PIEZO1: variants seen among roughly 807,000 people sequenced by gnomAD.
PIEZO1 encodes piezo type mechanosensitive ion channel component 1 (Er blood group), also known as piezo-type mechanosensitive ion channel component 1.
In PIEZO1, 296 loss-of-function variants were observed where a neutral mutation model predicts 297.2. That is an observed-to-expected ratio of 1.00 (90% CI 0.91 to 1.10). The LOEUF is 1.10. PIEZO1 is among the 50% of genes least tolerant of loss of function. The pLI, the probability that PIEZO1 is intolerant of heterozygous loss-of-function variation, is 0.00. For missense variants in PIEZO1, 5,018 were observed against 3,455.5 expected (o/e 1.45, Z -11.34); for synonymous variants, 2,427 against 1,507.5 (o/e 1.61, Z -14.13).
intron 1 of PIEZO1, among the ~76,000 whole-genome samples, chr16:88,764,235 G>C (rs780996646): frequency 6.6e-6 from 1 of 152,128 alleles, no homozygotes; most frequent in Non-Finnish European, 1.5e-5. Flanking sequence ...GGCCACAGGA[G>C]ATGGGGTCCT....
Position 88,717,188 on chromosome 16 carries a change from C to A in PIEZO1, c.6495G>T (p.Gln2165His), listed in dbSNP as rs1351614864. The A allele has an allele frequency of 6.5e-7, 1 of 1,550,124 alleles. No individual in the cohort carries two copies. Among genetic ancestry groups the A allele is most frequent in the Admixed American group, 2.0e-5 (1 of 51,012 alleles). Residue 2165 changes from glutamine (Q) to histidine (H), a missense_variant, in exon 45 of 51, where the codon CAG (glutamine) becomes CAT (histidine). By Grantham distance (24) the Gln-to-His change is conservative (BLOSUM62 0). Transcript: ENST00000301015. ...CGTACTTGACGATCTTCTTCTTCTT[C>A]TGCCCTTTGGGCTGCGGGTATTTCT... ...TEKKYPQPKG[Q>H]KKKKIVKYGM...
At chr16:88,782,899 C>G (rs1422236206) in intron 1 of PIEZO1, among the ~76,000 whole-genome samples, 1 of 152,222 alleles carries the variant, frequency 6.6e-6, no homozygotes, top group Non-Finnish European at 1.5e-5. Context: ...CCCCAGGTGA[C>G]TGAGAGAAAA....
At chr16:88,772,986 G>C (rs775278038) in intron 1 of PIEZO1, among the ~76,000 whole-genome samples, 1 of 152,176 alleles carries the variant, frequency 6.6e-6, no homozygotes, top group Admixed American at 6.5e-5. Context: ...CTGGCCCCAG[G>C]GGTGCCTGGA....
rs753243797 is a variant in PIEZO1 at position 88,727,118 on chromosome 16, G to A, written c.3376C>T (p.Arg1126Cys). Reference sequence around the variant, plus strand: ...CGGTCGGTGTTGACGCCAGCCATGCGCTGCCACTCCTCTGTGCGCTCAGCT... The same window carrying A: ...CGGTCGGTGTTGACGCCAGCCATGCACTGCCACTCCTCTGTGCGCTCAGCT... ...FSAERTEEWQ[R>C]MAGVNTDRLE... Residue 1126 changes from arginine to cysteine, a missense_variant, in exon 24 of 51, where the codon CGC becomes TGC. Arg to Cys is a radical substitution (Grantham distance 180). Coordinates refer to ENST00000301015, the MANE Select transcript of PIEZO1 (RefSeq NM_001142864.4). 78 of 1,549,866 alleles carry A rather than the reference G, an allele frequency of 5.0e-5. No individual in the cohort carries two copies. The highest frequency in any genetic ancestry group is 2.5e-4 in the South Asian group (21 of 84,056).
At chr16:88,733,197 G>C (rs1904985025) in intron 19 of PIEZO1, 81 bp downstream of exon 19, 1 of 1,318,880 alleles carries the variant, frequency 7.6e-7, no homozygotes, top group African/African-American at 1.5e-5. Flanking sequence ...ACTGCACTGA[G>C]GCAGCTGCCC....
chr16:88,731,804 G>T lies in PIEZO1; in HGVS notation c.3098C>A (p.Ala1033Asp). The T allele has an allele frequency of 6.5e-7, 1 of 1,547,032 alleles. No individual in the cohort carries two copies. The highest frequency in any genetic ancestry group is 8.7e-7 in the Non-Finnish European group (1 of 1,145,818). ...GTAGTTGGGCCAGAGGCGGGCAATGGCCTGGCGGTGCCTGCGGGTGAGGAT... is the reference window on the plus strand; with the variant it reads ...GTAGTTGGGCCAGAGGCGGGCAATGTCCTGGCGGTGCCTGCGGGTGAGGAT... ...VAILTRRHRQ[A>D]IARLWPNYCL... Residue 1033 changes from alanine to aspartate, a missense_variant, in exon 22 of 51, where the codon GCC becomes GAC. Ala to Asp is a moderately radical substitution (Grantham distance 126). Coordinates refer to ENST00000301015, the MANE Select transcript of PIEZO1 (RefSeq NM_001142864.4).
intron 44 of PIEZO1, 165 bp downstream of exon 44, chr16:88,719,409 C>G (rs1247574969): frequency 6.3e-6 from 4 of 638,582 alleles, no homozygotes; most frequent in Non-Finnish European, 1.1e-5. Flanking sequence ...GCCAAGATCA[C>G]TGGCCTCGTG....
intron 1 of PIEZO1, among the ~76,000 whole-genome samples, chr16:88,770,290 C>T (rs1721626616): frequency 6.6e-6 from 1 of 152,190 alleles, no homozygotes; most frequent in Non-Finnish European, 1.5e-5. Context: ...TGCCTGTGCA[C>T]AGCCCGCTCC....
chr16:88,767,093 T>C (rs1053663171), intron 1 of PIEZO1, among the ~76,000 whole-genome samples: 2 of 152,228 alleles, frequency 1.3e-5, no homozygotes, highest in Admixed American at 1.3e-4. Flanking sequence ...CTCCGATCGA[T>C]TGGCTTCCCT....
At chr16:88,723,750 A>G (rs1904302377) in intron 31 of PIEZO1, 121 bp downstream of exon 31, 1 of 634,232 alleles carries the variant, frequency 1.6e-6, no homozygotes, top group East Asian at 2.7e-5. Flanking sequence ...GGGTGGGCTA[A>G]CTGGAGGTGG....
chr16:88,744,005 A>G, intron 2 of PIEZO1: 1 of 211,572 alleles, frequency 4.7e-6, no homozygotes, highest in Non-Finnish European at 9.8e-6. Flanking sequence ...AGGACCTTCC[A>G]GGGCCTCCCT....
intron 6 of PIEZO1, 29 bp downstream of exon 6, chr16:88,738,539 C>T (rs752580748): frequency 6.5e-7 from 1 of 1,530,954 alleles, no homozygotes; most frequent in South Asian, 1.2e-5. Context: ...CCCAGTGTGA[C>T]TGCCAGTGCC....
chr16:88,738,683 T>C lies in PIEZO1; in HGVS notation c.519A>G (p.Ala173=). The part of the protein sequence containing the change: ...DASPTAGLQE[A]ATLAPTRRSR... The stretch of plus-strand genomic sequence containing the variant: ...ACCTCCGTGTAGGGGCCAGCGTTGC[T>C]GCTTCCTGCAGCCCTGCCGTCGGGC... Residue 173 remains alanine, a synonymous_variant, in exon 6 of 51, where the codon GCA becomes GCG. Transcript: ENST00000301015. The C allele has an allele frequency of 6.5e-7, 1 of 1,534,964 alleles. No individual in the cohort carries two copies. The highest frequency in any genetic ancestry group is 8.7e-7 in the Non-Finnish European group (1 of 1,146,160).
At chr16:88,779,329 GC>G (rs1483317058) in intron 1 of PIEZO1, among the ~76,000 whole-genome samples, 3 of 152,198 alleles carry the variant, frequency 2.0e-5, no homozygotes, top group Non-Finnish European at 2.9e-5. Flanking sequence ...GTGAGCCACC[GC>G]GCCCGGCAAG....
chr16:88,754,101 G>A (rs879420338), intron 1 of PIEZO1, among the ~76,000 whole-genome samples: 1 of 152,132 alleles, frequency 6.6e-6, no homozygotes, highest in East Asian at 1.9e-4. Context: ...CAACCCCCTC[G>A]CCTCACCAGC....
chr16:88,721,581 A>T lies in PIEZO1; in HGVS notation c.5360T>A (p.Leu1787Gln). The part of the protein sequence containing the change: ...EKTDGYIKYD[L>Q]VQLMALFFHR... Reference sequence around the variant, plus strand: ...GAAGAAAAGGGCCATGAGCTGCACCAGGTCGTACTTGATGTAGCCGTCAGT... The same window carrying T: ...GAAGAAAAGGGCCATGAGCTGCACCTGGTCGTACTTGATGTAGCCGTCAGT... The change falls in exon 38 of 51, where the codon CTG (leucine) becomes CAG (glutamine). Residue 1787 changes from leucine (L) to glutamine (Q), a missense_variant. Physicochemically the swap from Leu to Gln is moderately radical, Grantham distance 113. Transcript: ENST00000301015. 1 of 1,550,244 alleles carries T rather than the reference A, an allele frequency of 6.5e-7. No individual in the cohort carries two copies. The highest frequency in any genetic ancestry group is 8.7e-7 in the Non-Finnish European group (1 of 1,146,910).
intron 1 of PIEZO1, among the ~76,000 whole-genome samples, chr16:88,778,091 C>CGA (rs1907750766): frequency 6.6e-6 from 1 of 152,152 alleles, no homozygotes; most frequent in Non-Finnish European, 1.5e-5. Flanking sequence ...TCTAGACACA[C>CGA]GGGAGGGAGG....
In PIEZO1 at chr16:88,721,363, T is replaced by C; in HGVS notation, c.5471A>G (p.Glu1824Gly). Residue 1824 changes from glutamate (E) to glycine (G), a missense_variant, in exon 39 of 51, where the codon GAG becomes GGG. Physicochemically the swap from Glu to Gly is moderately conservative, Grantham distance 98 (BLOSUM62 -2). Transcript: ENST00000301015. ...CCCTGGCCCCTCCTCGGCTCCCTGCTCCTCCTCGCCGCTCTTGTCATGCTC... is the reference window on the plus strand; with the variant it reads ...CCCTGGCCCCTCCTCGGCTCCCTGCCCCTCCTCGCCGCTCTTGTCATGCTC... ...SKEHDKSGEE[E>G]QGAEEGPGVP... The C allele has an allele frequency of 6.5e-7, 1 of 1,548,988 alleles. No individual in the cohort carries two copies. The highest frequency in any genetic ancestry group is 1.2e-5 in the South Asian group (1 of 84,000).
intron 1 of PIEZO1, among the ~76,000 whole-genome samples, chr16:88,764,205 G>C (rs1327177310): frequency 6.6e-6 from 1 of 152,158 alleles, no homozygotes; most frequent in Non-Finnish European, 1.5e-5. Flanking sequence ...AAGGGGATGT[G>C]CCTTGAGACA....
Sources: gnomAD v4.1 joint callset for allele counts (sites outside exome capture counted in the v4.1 genomes callset) on GRCh38, gnomAD v4.1.1 for gene constraint, MANE v1.5 for transcripts, NCBI Gene and HGNC (gene_info 2026-07-23, HGNC 2026-07-21) for gene names.